KCNQ3: variants seen among roughly 807,000 people sequenced by gnomAD.
KCNQ3 encodes potassium voltage-gated channel subfamily Q member 3.
In KCNQ3, 30 loss-of-function variants were observed where a neutral mutation model predicts 92.5. The observed-to-expected ratio is 0.32, with a 90% CI of 0.24 to 0.44. The LOEUF is 0.44. Ranked by LOEUF, KCNQ3 falls within the 20% of genes least tolerant of loss-of-function variation. The pLI is 1.00. For missense variants in KCNQ3, 913 were observed against 1,140.3 expected (o/e 0.80, Z 2.87); for synonymous variants, 450 against 468.8 (o/e 0.96, Z 0.52).
chr8:132,157,854 G>C (rs1027509074), intron 9 of KCNQ3, among the ~76,000 whole-genome samples: 35 of 151,950 alleles, frequency 2.3e-4, no homozygotes, highest in Non-Finnish European at 5.1e-4. Context: ...ACAGGCCCCG[G>C]TGTGTGATGT....
In KCNQ3 at chr8:132,254,603, C is replaced by T. The variant is rs546533500; in HGVS notation, c.387-68422G>A. On this transcript the variant is annotated intron_variant, in intron 1 of 14. Transcript: ENST00000388996. Reference sequence around the variant, plus strand: ...TAAATGTTTTAATAATGAATGAGGCCATGTATGGTGGCTCATGCCTGTAAT... The same window carrying T: ...TAAATGTTTTAATAATGAATGAGGCTATGTATGGTGGCTCATGCCTGTAAT... Among the ~76,000 whole-genome samples the T allele has an allele frequency of 1.6e-3, 236 of 152,142 alleles. 8 individuals are homozygous for T. The South Asian group carries it at 0.047, about 30-fold the overall frequency.
At chr8:132,313,875 G>A (rs1817668302) in intron 1 of KCNQ3, among the ~76,000 whole-genome samples, 1 of 152,150 alleles carries the variant, frequency 6.6e-6, no homozygotes, top group African/African-American at 2.4e-5. Context: ...ACAGGCCCAT[G>A]CACTGGTTAA....
chr8:132,237,430 G>A (rs1201703692), intron 1 of KCNQ3, among the ~76,000 whole-genome samples: 1 of 152,122 alleles, frequency 6.6e-6, no homozygotes, highest in African/African-American at 2.4e-5. Context: ...ATTTGCAGCT[G>A]AAGATATTTA....
intron 1 of KCNQ3, among the ~76,000 whole-genome samples, chr8:132,470,108 C>T (rs1205176958): frequency 3.5e-5 from 5 of 143,820 alleles, no homozygotes; most frequent in Non-Finnish European, 7.6e-5. Flanking sequence ...AAGAACTATG[C>T]TCATCTCCCT....
At chr8:132,438,638 G>C (rs1587019903) in intron 1 of KCNQ3, among the ~76,000 whole-genome samples, 1 of 152,038 alleles carries the variant, frequency 6.6e-6, no homozygotes, top group East Asian at 1.9e-4. Flanking sequence ...GCTGCTAGGA[G>C]AGCCCTGGCT....
chr8:132,152,167 T>C (rs1421182610), intron 9 of KCNQ3, among the ~76,000 whole-genome samples: 2 of 152,178 alleles, frequency 1.3e-5, no homozygotes, highest in East Asian at 1.9e-4. Flanking sequence ...ACTTTGGAGA[T>C]TGTGCCATTG....
At chr8:132,376,077 C>CT (rs1464764024) in intron 1 of KCNQ3, among the ~76,000 whole-genome samples, 3 of 152,142 alleles carry the variant, frequency 2.0e-5, no homozygotes, top group Non-Finnish European at 4.4e-5. Flanking sequence ...ATGTTTTTCT[C>CT]TAATTGAACT....
chr8:132,414,560 A>G (rs1253664940), intron 1 of KCNQ3, among the ~76,000 whole-genome samples: 1 of 152,232 alleles, frequency 6.6e-6, no homozygotes, highest in African/African-American at 2.4e-5. Context: ...AGCAATGGCT[A>G]TACAACAGAT....
At position 132,446,494 on chromosome 8, in the gene KCNQ3, G is replaced by A. The variant is rs55993722; in HGVS notation, c.386+33653C>T. ...CTCCTTCCCTGGGTTCAGGTTCTTC[G>A]TCCTTTAAGCTGAAAAGCAGAGCTA... On this transcript the variant is annotated intron_variant, in intron 1 of 14. Coordinates refer to ENST00000388996, the MANE Select transcript of KCNQ3 (RefSeq NM_004519.4). Among the ~76,000 whole-genome samples the A allele has an allele frequency of 9.8e-3, 1,489 of 152,186 alleles. 28 individuals carry two copies. The highest frequency in any genetic ancestry group is 0.035 in the African/African-American group (1,434 of 41,502).
At position 132,212,652 on chromosome 8, in the gene KCNQ3, T is replaced by C. The variant is rs75521245; in HGVS notation, c.387-26471A>G. ...CCATCTGTGTGTTCAGCCAGGTTCATTTAAGAAGGGGAATCCTGGCTGAAG... is the reference window on the plus strand; with the variant it reads ...CCATCTGTGTGTTCAGCCAGGTTCACTTAAGAAGGGGAATCCTGGCTGAAG... On this transcript the variant is annotated intron_variant, in intron 1 of 14. Coordinates refer to ENST00000388996, the MANE Select transcript of KCNQ3 (RefSeq NM_004519.4). Among the ~76,000 whole-genome samples, 1,245 of 152,064 alleles carry C rather than the reference T, an allele frequency of 8.2e-3. 20 individuals are homozygous for C. Among genetic ancestry groups the C allele is most frequent in the African/African-American group, 0.029 (1,188 of 41,456 alleles).
intron 1 of KCNQ3, among the ~76,000 whole-genome samples, chr8:132,377,939 C>A (rs1342103172): frequency 6.6e-6 from 1 of 152,110 alleles, no homozygotes; most frequent in Non-Finnish European, 1.5e-5. Flanking sequence ...GCCATTGCCA[C>A]AAATAGGGCC....
chr8:132,445,206 A>G (rs1044126590), intron 1 of KCNQ3, among the ~76,000 whole-genome samples: 2 of 152,184 alleles, frequency 1.3e-5, no homozygotes, highest in Non-Finnish European at 2.9e-5. Context: ...GTGGCATTAC[A>G]TTGTCACATT....
At position 132,413,111 on chromosome 8, in the gene KCNQ3, GT is replaced by G. The variant is rs1341043093; in HGVS notation, c.386+67035del. Among the ~76,000 whole-genome samples, 3 of 152,206 alleles carry G rather than the reference GT, an allele frequency of 2.0e-5. No individual in the cohort carries two copies. The East Asian group carries it at 5.8e-4, about 29-fold the overall frequency. On this transcript the variant is annotated intron_variant, in intron 1 of 14. Coordinates refer to ENST00000388996, the MANE Select transcript of KCNQ3 (RefSeq NM_004519.4). ...GCACAAACTTATCTCCCATTTCCAA[GT>G]TTCCTTTCTTCAACCCAATCTATAT...
intron 1 of KCNQ3, among the ~76,000 whole-genome samples, chr8:132,200,376 G>T (rs1055756302): frequency 1.3e-5 from 2 of 151,182 alleles, no homozygotes; most frequent in African/African-American, 4.9e-5. Flanking sequence ...TTGCAATAGA[G>T]ATGGTCTGGC....
chr8:132,472,192 G>T (rs997120519), intron 1 of KCNQ3, among the ~76,000 whole-genome samples: 4 of 152,074 alleles, frequency 2.6e-5, no homozygotes, highest in Non-Finnish European at 5.9e-5. Flanking sequence ...ACTATGGAAA[G>T]CAATATGGAG....
chr8:132,168,543 G>A (rs1179471776), intron 8 of KCNQ3, among the ~76,000 whole-genome samples: 2 of 152,092 alleles, frequency 1.3e-5, no homozygotes, highest in African/African-American at 4.8e-5. Flanking sequence ...GTGTGGCGGT[G>A]GTGATCAGGG....
At chr8:132,244,920 CAAAAAAAAAAA>C (rs35215337) in intron 1 of KCNQ3, among the ~76,000 whole-genome samples, 2 of 112,362 alleles carry the variant, frequency 1.8e-5, no homozygotes, top group Non-Finnish European at 3.5e-5. Flanking sequence ...CTCACTTGAC[CAAAAAAAAAAA>C]AAAAAAAAAG....
chr8:132,136,118 CAAAA>C (rs67331428), intron 12 of KCNQ3, among the ~76,000 whole-genome samples: 4 of 40,014 alleles, frequency 1.0e-4, no homozygotes, highest in Admixed American at 5.1e-4. Context: ...GACTCCATCT[CAAAA>C]AAAAAAAAAA....
chr8:132,262,680 T>A (rs182121916), intron 1 of KCNQ3, among the ~76,000 whole-genome samples: 10 of 149,752 alleles, frequency 6.7e-5, no homozygotes, highest in African/African-American at 2.4e-4. Flanking sequence ...GATGGAGACA[T>A]GAGCTGAGGA....
Sources: allele counts gnomAD v4.1 joint callset (sites outside exome capture counted in the v4.1 genomes callset), GRCh38; gene constraint gnomAD v4.1.1; transcripts MANE v1.5; gene names NCBI Gene and HGNC (gene_info 2026-07-23, HGNC 2026-07-21).